PIAS1: variants seen among roughly 807,000 people sequenced by gnomAD.
The protein encoded by PIAS1 is E3 SUMO-protein ligase PIAS1.
A neutral mutation model predicts 71.3 loss-of-function variants in PIAS1; 6 were observed. The ratio of observed to expected loss-of-function variants is 0.08; its 90% confidence interval spans 0.05 to 0.17. PIAS1 has a LOEUF of 0.17. PIAS1 is among the 10% of genes least tolerant of loss of function. PIAS1 has a pLI of 1.00. For missense variants in PIAS1, 555 were observed against 793.6 expected (o/e 0.70, Z 3.61); for synonymous variants, 303 against 292.9 (o/e 1.03, Z -0.35).
intron 2 of PIAS1, among the ~76,000 whole-genome samples, chr15:68,139,106 C>T (rs908750679): frequency 2.6e-5 from 4 of 152,092 alleles, no homozygotes; most frequent in African/African-American, 9.7e-5. Flanking sequence ...CCTAACAGAG[C>T]GTGTATGTTT....
At chr15:68,115,681 GCTGT>G (rs2092559630) in intron 2 of PIAS1, among the ~76,000 whole-genome samples, 1 of 152,008 alleles carries the variant, frequency 6.6e-6, no homozygotes, top group Non-Finnish European at 1.5e-5. Flanking sequence ...AATTTTCATA[GCTGT>G]CTATTATCGA....
chr15:68,170,919 G>A (rs894064759), intron 8 of PIAS1, among the ~76,000 whole-genome samples: 1 of 152,214 alleles, frequency 6.6e-6, no homozygotes, highest in East Asian at 1.9e-4. Context: ...GGGATTACTG[G>A]TGTGAGCCAC....
At chr15:68,087,349 C>G (rs1427385817) in intron 2 of PIAS1, among the ~76,000 whole-genome samples, 1 of 152,002 alleles carries the variant, frequency 6.6e-6, no homozygotes, top group Non-Finnish European at 1.5e-5. Flanking sequence ...GATTTGTAGT[C>G]TAGCATATAG....
chr15:68,160,075 A>G (rs902267372), intron 7 of PIAS1, among the ~76,000 whole-genome samples: 13 of 152,268 alleles, frequency 8.5e-5, no homozygotes, highest in African/African-American at 3.1e-4. Context: ...GATGTTAAGC[A>G]TCTTCTCAGG....
rs927558930 is a variant in PIAS1, at chr15:68,086,658, C to T, written c.377C>T (p.Thr126Ile). The change falls in exon 2 of 14, where the codon ACA becomes ATA. Residue 126 changes from threonine (T) to isoleucine (I), a missense_variant. Physicochemically the swap from Thr to Ile is moderately conservative, Grantham distance 89 (BLOSUM62 -1). Around this residue, in one of 5 missense-constraint regions of PIAS1, gnomAD observed 134 missense variants for 203.4 expected, o/e 0.66. Coordinates refer to ENST00000249636, the MANE Select transcript of PIAS1 (RefSeq NM_016166.3). This position sits in a 1 kb window ranked among gnomAD's most constrained non-coding sequence, Gnocchi z 7.2. ...CATGAACTGGAACTCCCACATCTTA[C>T]ATCAGCTCTTCACCCAGTCCATCCG... ...PKHELELPHL[T>I]SALHPVHPDI... 2 of 1,613,102 alleles carry T rather than the reference C, an allele frequency of 1.2e-6. No individual in the cohort carries two copies. The highest frequency in any genetic ancestry group is 2.7e-5 in the African/African-American group (2 of 74,920).
rs1356751764 is a variant in PIAS1 at position 68,142,270 on chromosome 15, TC to T, written c.555-18del. ...CAAATACTTTAAAAGTAATTGTAATTCCTATTCTGTCTCTTCTAGGGATATT... is the reference window on the plus strand; with the variant it reads ...CAAATACTTTAAAAGTAATTGTAATTCTATTCTGTCTCTTCTAGGGATATT... On this transcript the variant is annotated intron_variant, in intron 3 of 13. Transcript: ENST00000249636. 8 of 1,587,786 alleles carry T rather than the reference TC, an allele frequency of 5.0e-6. No homozygotes were observed. The highest frequency in any genetic ancestry group is 6.9e-6 in the Non-Finnish European group (8 of 1,157,890).
intron 1 of PIAS1, among the ~76,000 whole-genome samples, chr15:68,072,235 A>G (rs2092105269): frequency 6.6e-6 from 1 of 151,258 alleles, no homozygotes; most frequent in Admixed American, 6.6e-5. Flanking sequence ...CGTCTCTACT[A>G]AAAATACAAA....
intron 7 of PIAS1, among the ~76,000 whole-genome samples, chr15:68,157,244 G>A (rs925413193): frequency 2.0e-5 from 3 of 152,202 alleles, no homozygotes; most frequent in African/African-American, 7.2e-5. Context: ...ACAGTATTAT[G>A]AGACCTGGCT....
rs767718070 is a variant in PIAS1, at chr15:68,189,802, A to C, written c.*1967A>C. On this transcript the variant is annotated 3_prime_UTR_variant, in exon 14 of 14. Transcript: ENST00000249636. ...CAAAACAGATTGTCAGTTAACCAGG[A>C]AACAGTTAATGTTTTTTAATGAATC... 3.3e-5 allele frequency: 5 copies of C among 152,310 alleles called. No homozygotes were observed. The East Asian group carries it at 9.6e-4, about 29-fold the overall frequency. 9.4% of individuals were successfully genotyped at this position (152,310 alleles called of 1,614,324 possible).
intron 7 of PIAS1, 132 bp from the exon 8 acceptor site, chr15:68,164,599 C>A (rs2092945089): frequency 4.1e-6 from 2 of 491,464 alleles, no homozygotes; most frequent in South Asian, 4.4e-5. Context: ...TTGTTTTTAT[C>A]TTTCCATTCA....
chr15:68,054,390 G>T lies in PIAS1; in HGVS notation c.24+40G>T. 1 of 1,552,664 alleles carries T rather than the reference G, an allele frequency of 6.4e-7. No individual in the cohort carries two copies. Among genetic ancestry groups the T allele is most frequent in the Non-Finnish European group, 8.7e-7 (1 of 1,147,488 alleles). Reference sequence around the variant, plus strand: ...GAATTCACTTCTAATATTCGGCCGCGGAGACGGCGCCGCTGCTGCCAGGGG... The same window carrying T: ...GAATTCACTTCTAATATTCGGCCGCTGAGACGGCGCCGCTGCTGCCAGGGG... On this transcript the variant is annotated intron_variant, in intron 1 of 13. Coordinates refer to ENST00000249636, the MANE Select transcript of PIAS1 (RefSeq NM_016166.3). This position sits in a 1 kb window ranked among gnomAD's most constrained non-coding sequence, Gnocchi z 4.6.
chr15:68,055,657 A>G (rs573134758), intron 1 of PIAS1: 9 of 372,890 alleles, frequency 2.4e-5, no homozygotes, highest in African/African-American at 1.9e-4. Context: ...GCAGCTGGTT[A>G]TGTCTCGACC....
chr15:68,086,688 T>G lies in PIAS1; in HGVS notation c.407T>G (p.Ile136Arg). 1 of 1,613,562 alleles carries G rather than the reference T, an allele frequency of 6.2e-7. No individual in the cohort carries two copies. The highest frequency in any genetic ancestry group is 8.5e-7 in the Non-Finnish European group (1 of 1,179,498). Residue 136 changes from isoleucine to arginine, a missense_variant, in exon 2 of 14, where the codon ATA becomes AGA. Transcript: ENST00000249636. This position sits in a 1 kb window ranked among gnomAD's most constrained non-coding sequence, Gnocchi z 7.2. ...TSALHPVHPDIKLQKLPFYDL... is the reference protein window; with the variant it reads ...TSALHPVHPDRKLQKLPFYDL... The stretch of plus-strand genomic sequence containing the variant: ...GCTCTTCACCCAGTCCATCCGGATA[T>G]AAAACTTCAAAAATTACCATTTTAT...
At chr15:68,138,541 C>A (rs2092749375) in intron 2 of PIAS1, among the ~76,000 whole-genome samples, 1 of 152,166 alleles carries the variant, frequency 6.6e-6, no homozygotes, top group African/African-American at 2.4e-5. Context: ...GTGCGGCGAT[C>A]TCGGCTCACT....
intron 1 of PIAS1, among the ~76,000 whole-genome samples, chr15:68,068,524 C>T (rs1359250890): frequency 6.6e-6 from 1 of 152,126 alleles, no homozygotes; most frequent in Non-Finnish European, 1.5e-5. Flanking sequence ...GCTATCTCGG[C>T]TCACTGCAAC....
intron 1 of PIAS1, among the ~76,000 whole-genome samples, chr15:68,073,252 C>T (rs867690242): frequency 1.6e-4 from 24 of 152,150 alleles, no homozygotes; most frequent in African/African-American, 5.1e-4. Flanking sequence ...CTCCTGACCT[C>T]GTGATCTACC....
chr15:68,176,639 C>T lies in PIAS1; in HGVS notation c.1466C>T (p.Pro489Leu), dbSNP rs763135049. ...TGTCCTTCCCTATCTCCCACATCACCACTAAATAATAAAGGGTAAGTGCTG... is the reference window on the plus strand; with the variant it reads ...TGTCCTTCCCTATCTCCCACATCACTACTAAATAATAAAGGGTAAGTGCTG... ...RTCPSLSPTSPLNNKGILSLP... is the reference protein window; with the variant it reads ...RTCPSLSPTSLLNNKGILSLP... The change falls in exon 11 of 14, where the codon CCA becomes CTA. Residue 489 changes from proline (P) to leucine (L), a missense_variant. Transcript: ENST00000249636. 1 of 1,586,986 alleles carries T rather than the reference C, an allele frequency of 6.3e-7. No homozygotes were observed. The highest frequency in any genetic ancestry group is 1.9e-5 in the Admixed American group (1 of 53,920).
chr15:68,078,647 A>G (rs1250886156), intron 1 of PIAS1, among the ~76,000 whole-genome samples: 2 of 152,202 alleles, frequency 1.3e-5, no homozygotes, highest in Non-Finnish European at 2.9e-5. Flanking sequence ...GAATCAGGTC[A>G]GATTTGAGCC....
At chr15:68,127,355 T>A (rs1170670159) in intron 2 of PIAS1, among the ~76,000 whole-genome samples, 1 of 152,184 alleles carries the variant, frequency 6.6e-6, no homozygotes, top group Non-Finnish European at 1.5e-5. Flanking sequence ...CTAGAGAGGA[T>A]GAATGGACCT....
Sources: gnomAD v4.1 joint callset for allele counts (sites outside exome capture counted in the v4.1 genomes callset) on GRCh38, gnomAD v4.1.1 for gene constraint, gnomAD v4.1.1 regional missense constraint, Gnocchi (gnomAD v3.1) non-coding constraint, MANE v1.5 for transcripts, NCBI Gene and HGNC (gene_info 2026-07-23, HGNC 2026-07-21) for gene names.